CNIH2: variants seen among roughly 807,000 people sequenced by gnomAD.
CNIH2 encodes the protein protein cornichon homolog 2.
Under a neutral mutation model 22.9 loss-of-function variants are expected in CNIH2, and 8 were observed. The ratio of observed to expected loss-of-function variants is 0.35; its 90% confidence interval spans 0.20 to 0.63. The LOEUF (loss-of-function observed/expected upper bound fraction) is 0.63, where lower values mean the gene tolerates loss of function less well. CNIH2 is among the 30% of genes least tolerant of loss of function. CNIH2 has a pLI of 0.72. For synonymous variants in CNIH2, 74 were observed against 78.2 expected (o/e 0.95, Z 0.28); for missense variants, 105 against 206.2 (o/e 0.51, Z 3.01).
At position 66,282,297 on chromosome 11, in the gene CNIH2, C is replaced by T. The variant is rs375901085; in HGVS notation, c.120C>T (p.Asn40=). The T allele has an allele frequency of 3.2e-5, 52 of 1,613,740 alleles. No homozygotes were observed. Among genetic ancestry groups the T allele is most frequent in the Non-Finnish European group, 4.1e-5 (48 of 1,180,022 alleles). ...AFDELRTDFK[N]PIDQGNPARA... ...ATGAGCTGCGGACCGACTTCAAGAA[C>T]CCCATCGACCAGGGGAACCCTGCGC... The change falls in exon 2 of 6, where the codon AAC becomes AAT. Residue 40 remains asparagine (N), a synonymous_variant. Coordinates refer to ENST00000311445, the MANE Select transcript of CNIH2 (RefSeq NM_182553.3).
rs768049022 is a variant in CNIH2 at position 66,283,061 on chromosome 11, C to T, written c.225C>T (p.His75=). The change falls in exon 4 of 6, where the codon CAC becomes CAT. Residue 75 remains histidine, a synonymous_variant. Transcript: ENST00000311445. ...RKLVVPEYSI[H]GLFCLMFLCA... is the part of the protein sequence containing the mutation. ...TGGTGGTCCCAGAATACTCCATCCACGGCCTCTTCTGTCTGATGTTTCTGT... is the reference window on the plus strand; with the variant it reads ...TGGTGGTCCCAGAATACTCCATCCATGGCCTCTTCTGTCTGATGTTTCTGT... The T allele has an allele frequency of 5.9e-5, 95 of 1,613,902 alleles. No individual in the cohort carries two copies. Among genetic ancestry groups the T allele is most frequent in the Non-Finnish European group, 7.3e-5 (86 of 1,179,956 alleles).
In CNIH2 at chr11:66,284,003, C is replaced by T. The variant is rs959691552; in HGVS notation, c.*406C>T. Reference sequence around the variant, plus strand: ...CCTGCAGGTGGGGGGGTACCCGCACCGGGAATGAGCAGGCTCAGCAGGGGG... The same window carrying T: ...CCTGCAGGTGGGGGGGTACCCGCACTGGGAATGAGCAGGCTCAGCAGGGGG... On this transcript the variant is annotated 3_prime_UTR_variant, in exon 6 of 6. Coordinates refer to ENST00000311445, the MANE Select transcript of CNIH2 (RefSeq NM_182553.3). 6 of 217,814 alleles carry T rather than the reference C, an allele frequency of 2.8e-5. No individual in the cohort carries two copies. The highest frequency in any genetic ancestry group is 1.0e-4 in the Admixed American group (2 of 19,122). The allele number at this position is 217,814 out of a possible 1,614,324, so 13.5% of individuals were successfully genotyped here.
chr11:66,283,377 C>A lies in CNIH2; in HGVS notation c.441C>A (p.Phe147Leu), dbSNP rs1309347200. 6.2e-7 allele frequency: 1 copy of A among 1,614,070 alleles called. No homozygotes were observed. The highest frequency in any genetic ancestry group is 8.5e-7 in the Non-Finnish European group (1 of 1,180,016). ...TTGCCTTCTACCTGCTCTCCTTCTT[C>A]TATTACCTGTACAGGTGAGGCCTTG... ...CKLAFYLLSFFYYLYSMVYTL... is the reference protein window; with the variant it reads ...CKLAFYLLSFLYYLYSMVYTL... The change falls in exon 5 of 6, where the codon TTC becomes TTA. Residue 147 changes from phenylalanine (F) to leucine (L), a missense_variant. Transcript: ENST00000311445.
At chr11:66,281,009 G>A (rs959107207) in intron 1 of CNIH2, among the ~76,000 whole-genome samples, 4 of 152,214 alleles carry the variant, frequency 2.6e-5, no homozygotes, top group Admixed American at 6.5e-5. Context: ...GTTTCCACCC[G>A]TGAGGACACT....
chr11:66,280,833 G>A (rs1221064279), intron 1 of CNIH2, among the ~76,000 whole-genome samples: 5 of 152,124 alleles, frequency 3.3e-5, no homozygotes, highest in Non-Finnish European at 7.4e-5. Flanking sequence ...TCTCTGAGCC[G>A]TCTGGGGCCT....
chr11:66,280,266 T>C (rs1443209555), intron 1 of CNIH2, among the ~76,000 whole-genome samples: 1 of 152,186 alleles, frequency 6.6e-6, no homozygotes, highest in Non-Finnish European at 1.5e-5. Flanking sequence ...TTTGAAGAAA[T>C]GTCTTTGTTC....
At chr11:66,282,461 C>T (rs991513483) in intron 2 of CNIH2, 134 bp downstream of exon 2, 10 of 1,120,918 alleles carry the variant, frequency 8.9e-6, no homozygotes, top group Admixed American at 2.0e-5. Flanking sequence ...TCTCTGTCTC[C>T]GCCCCCAGCA....
In CNIH2 at chr11:66,283,831, G is replaced by A. The variant is rs899226753; in HGVS notation, c.*234G>A. The A allele has an allele frequency of 1.8e-6, 1 of 546,820 alleles. No homozygotes were observed. The highest frequency in any genetic ancestry group is 3.3e-6 in the Non-Finnish European group (1 of 305,836). The allele number at this position is 546,820 out of a possible 1,614,324, so 33.9% of individuals were successfully genotyped here. A position where few individuals can be genotyped will look rare whatever the true frequency, so the allele number is the denominator to read the frequency against. Reference sequence around the variant, plus strand: ...TCTAAACAGGGGCAGGGGCTCCTCTGCCAGCCTGTGGGCATGGCAGTCATT... The same window carrying A: ...TCTAAACAGGGGCAGGGGCTCCTCTACCAGCCTGTGGGCATGGCAGTCATT... On this transcript the variant is annotated 3_prime_UTR_variant, in exon 6 of 6. Transcript: ENST00000311445.
chr11:66,278,918 C>G (rs1236217573), intron 1 of CNIH2, among the ~76,000 whole-genome samples: 2 of 88,342 alleles, frequency 2.3e-5, no homozygotes, highest in Non-Finnish European at 5.0e-5. Flanking sequence ...GTCTGCTGCC[C>G]CCCCCCCCCC....
rs1241242927 is a variant in CNIH2 at position 66,283,943 on chromosome 11, G to C, written c.*346G>C. The stretch of plus-strand genomic sequence containing the variant: ...GGCAGAGCTTGACCCTGGAAATTCT[G>C]GGCCATCCCCCTCCACCCCCACCCT... On this transcript the variant is annotated 3_prime_UTR_variant, in exon 6 of 6. Coordinates refer to ENST00000311445, the MANE Select transcript of CNIH2 (RefSeq NM_182553.3). The C allele has an allele frequency of 3.8e-6, 1 of 263,832 alleles. No individual in the cohort carries two copies. Among genetic ancestry groups the C allele is most frequent in the African/African-American group, 2.2e-5 (1 of 44,698 alleles). The allele number at this position is 263,832 out of a possible 1,614,324, so 16.3% of individuals were successfully genotyped here. A position where few individuals can be genotyped will look rare whatever the true frequency, so the allele number is the denominator to read the frequency against.
At chr11:66,283,200 G>A in intron 4 of CNIH2, 48 bp from the exon 5 acceptor site, 1 of 1,613,674 alleles carries the variant, frequency 6.2e-7, no homozygotes, top group Non-Finnish European at 8.5e-7. Context: ...GGGGCAGGAT[G>A]GGGGTGGGAG....
chr11:66,279,296 C>T (rs1857222139), intron 1 of CNIH2, among the ~76,000 whole-genome samples: 1 of 152,078 alleles, frequency 6.6e-6, no homozygotes, highest in Non-Finnish European at 1.5e-5. Flanking sequence ...GCATCCGACC[C>T]ATCGCTTCCC....
At chr11:66,283,184 G>C (rs1195628896) in intron 4 of CNIH2, 37 bp downstream of exon 4, 1 of 1,613,800 alleles carries the variant, frequency 6.2e-7, no homozygotes, top group Admixed American at 1.7e-5. Flanking sequence ...GCTGAGATGG[G>C]GAACAGGGGC....
At chr11:66,280,601 C>A (rs569045094) in intron 1 of CNIH2, among the ~76,000 whole-genome samples, 1 of 152,112 alleles carries the variant, frequency 6.6e-6, no homozygotes, top group African/African-American at 2.4e-5. Flanking sequence ...TTGTTTGTTC[C>A]GGGGGGCTGA....
In CNIH2 at chr11:66,283,258, C is replaced by T. The variant is rs1353448248; in HGVS notation, c.322C>T (p.Arg108Cys). The change falls in exon 5 of 6, where the codon CGT (arginine) becomes TGT (cysteine). Residue 108 changes from arginine (R) to cysteine (C), a missense_variant. Arg to Cys is a radical substitution (Grantham distance 180). Transcript: ENST00000311445. Reference protein sequence around the residue: ...LFYHLWRYFHRPADGSEVMYD... With the variant: ...LFYHLWRYFHCPADGSEVMYD... ...CCCTGTCTGCCCCAGGTACTTCCAC[C>T]GTCCTGCAGATGGCTCTGAGGTCAT... is the stretch of plus-strand genomic sequence containing the variant. 4 of 1,614,010 alleles carry T rather than the reference C, an allele frequency of 2.5e-6. No homozygotes were observed. The highest frequency in any genetic ancestry group is 1.1e-5 in the South Asian group (1 of 91,090).
chr11:66,280,174 G>A (rs968080466), intron 1 of CNIH2, among the ~76,000 whole-genome samples: 1 of 152,224 alleles, frequency 6.6e-6, no homozygotes, highest in African/African-American at 2.4e-5. Context: ...TCAGGCTCTG[G>A]GTGGCTTTGA....
In CNIH2 at chr11:66,282,353, G is replaced by A. The variant is rs369039866; in HGVS notation, c.150+26G>A. On this transcript the variant is annotated intron_variant, in intron 2 of 5. Transcript: ENST00000311445. ...GTAAGTGATACATGTGCTGTGCCGA[G>A]GTGTGTCCGTCCGTCTGTCTTTCCA... 52 of 1,612,358 alleles carry A rather than the reference G, an allele frequency of 3.2e-5. No homozygotes were observed. The African/African-American group carries it at 5.6e-4, about 17-fold the overall frequency.
At chr11:66,282,431 C>T in intron 2 of CNIH2, 104 bp downstream of exon 2, 3 of 1,096,728 alleles carry the variant, frequency 2.7e-6, no homozygotes, top group Non-Finnish European at 2.7e-6. Context: ...GGTGGGGGGC[C>T]TACGGCCATG....
Position 66,282,724 on chromosome 11 carries a change from C to T in CNIH2, c.151-9C>T. ...CCACCCCATCGCGGCCTTTTCCTTC[C>T]CCCAACAGCGCGAGCGTTTAAAAAA... is the stretch of plus-strand genomic sequence containing the variant. On this transcript the variant is annotated splice_polypyrimidine_tract_variant and intron_variant, in intron 2 of 5. Coordinates refer to ENST00000311445, the MANE Select transcript of CNIH2 (RefSeq NM_182553.3). 1 of 1,613,746 alleles carries T rather than the reference C, an allele frequency of 6.2e-7. No individual in the cohort carries two copies. Among genetic ancestry groups the T allele is most frequent in the Non-Finnish European group, 8.5e-7 (1 of 1,179,976 alleles).
Sources: gnomAD v4.1 joint callset for allele counts (sites outside exome capture counted in the v4.1 genomes callset) on GRCh38, gnomAD v4.1.1 for gene constraint, MANE v1.5 for transcripts, NCBI Gene and HGNC (gene_info 2026-07-23, HGNC 2026-07-21) for gene names.